The following DNM3 variants were observed in gnomAD, a reference collection of about 807,000 sequenced individuals.
DNM3 encodes the protein dynamin 3, also known as dynamin-3.
A neutral mutation model predicts 101.6 loss-of-function variants in DNM3; 47 were observed. That is an observed-to-expected ratio of 0.46 (90% CI 0.37 to 0.59). The LOEUF is 0.59. Ranked by LOEUF, DNM3 falls within the 20% of genes least tolerant of loss-of-function variation. The pLI, the probability that DNM3 is intolerant of heterozygous loss-of-function variation, is 0.00. For missense variants in DNM3, 849 were observed against 1,085.7 expected (o/e 0.78, Z 3.06); for synonymous variants, 385 against 387.9 (o/e 0.99, Z 0.09).
At chr1:172,133,261 C>T in intron 14 of DNM3, 1 of 1,073,626 alleles carries the variant, frequency 9.3e-7, no homozygotes, top group Non-Finnish European at 1.1e-6. Flanking sequence ...GCTTGGTGAG[C>T]TCTTGGTTAT....
At chr1:172,377,651 C>A (rs1032309590) in intron 17 of DNM3, among the ~76,000 whole-genome samples, 8 of 150,224 alleles carry the variant, frequency 5.3e-5, no homozygotes, top group Admixed American at 2.7e-4. Context: ...CTTGGAATTT[C>A]TCTGGTCTGT....
downstream of DNM3, chr1:172,412,768 T>C (rs1573799564): frequency 1.0e-6 from 1 of 979,974 alleles, no homozygotes. Context: ...TGCCTTTCAG[T>C]AATACCTGAG....
intron 4 of DNM3, among the ~76,000 whole-genome samples, chr1:172,003,652 T>C (rs556694949): frequency 6.6e-6 from 1 of 152,086 alleles, no homozygotes; most frequent in Admixed American, 6.6e-5. Context: ...ACTATTTTTT[T>C]CCATTGAGAT....
At chr1:171,977,339 C>G (rs2044451041) in intron 2 of DNM3, among the ~76,000 whole-genome samples, 2 of 151,972 alleles carry the variant, frequency 1.3e-5, no homozygotes, top group South Asian at 4.1e-4. Flanking sequence ...ATTTCTCAGT[C>G]TAGAGTAAAA....
In DNM3 at chr1:172,132,842, C is replaced by T. The variant is rs1325837028; in HGVS notation, c.1659+1554C>T. 4 of 753,302 alleles carry T rather than the reference C, an allele frequency of 5.3e-6. No homozygotes were observed. In the Admixed American group the frequency reaches 6.2e-5, roughly 12 times the overall value. The allele number at this position is 753,302 out of a possible 1,614,324, so 46.7% of individuals were successfully genotyped here. ...GAGAAAACTAAAAATAAAACAAAAC[C>T]TTTTTTTAAAAAAGTCTTTTCTACA... is the stretch of plus-strand genomic sequence containing the variant. On this transcript the variant is annotated intron_variant, in intron 14 of 20. Coordinates refer to ENST00000627582, the MANE Select transcript of DNM3 (RefSeq NM_015569.5).
At chr1:172,322,146 C>G (rs1364271299) in intron 16 of DNM3, among the ~76,000 whole-genome samples, 1 of 152,186 alleles carries the variant, frequency 6.6e-6, no homozygotes, top group Non-Finnish European at 1.5e-5. Flanking sequence ...AGAAAACACA[C>G]TCTCCTGGGA....
At chr1:172,303,522 C>T in intron 15 of DNM3, among the ~76,000 whole-genome samples, 1 of 152,110 alleles carries the variant, frequency 6.6e-6, no homozygotes, top group East Asian at 1.9e-4. Context: ...TCAGGAAATA[C>T]AGAGAACACC....
At chr1:171,879,117 C>T (rs997334378) in intron 1 of DNM3, among the ~76,000 whole-genome samples, 24 of 152,156 alleles carry the variant, frequency 1.6e-4, no homozygotes, top group Admixed American at 2.0e-4. Context: ...TAGTTTGAAT[C>T]ATTTATATTA....
chr1:172,001,518 C>A (rs1395493972), intron 4 of DNM3, among the ~76,000 whole-genome samples: 1 of 152,008 alleles, frequency 6.6e-6, no homozygotes, highest in Non-Finnish European at 1.5e-5. Context: ...CATTACCCAT[C>A]CAGTTTGTCA....
chr1:172,378,082 T>C (rs1276172818), intron 17 of DNM3: 2 of 152,090 alleles, frequency 1.3e-5, no homozygotes, highest in Non-Finnish European at 1.5e-5. Flanking sequence ...ACATTCATAA[T>C]TAAATCTTTC....
At chr1:172,287,832 T>C (rs954249725) in intron 15 of DNM3, among the ~76,000 whole-genome samples, 38 of 148,918 alleles carry the variant, frequency 2.6e-4, no homozygotes, top group Non-Finnish European at 3.3e-4. Flanking sequence ...CACACACACA[T>C]ATATTTTTTG....
At chr1:172,287,546 A>C (rs1427605049) in intron 15 of DNM3, among the ~76,000 whole-genome samples, 1 of 152,108 alleles carries the variant, frequency 6.6e-6, no homozygotes, top group Non-Finnish European at 1.5e-5. Context: ...CAAATTTTTA[A>C]TTCTTATTTA....
At chr1:172,320,052 A>T (rs2065621582) in intron 16 of DNM3, among the ~76,000 whole-genome samples, 1 of 151,688 alleles carries the variant, frequency 6.6e-6, no homozygotes, top group African/African-American at 2.4e-5. Context: ...CTACGCAGCC[A>T]TAAAAAATGA....
rs529240563 is a variant in DNM3, at chr1:172,008,876, T to C, written c.589+19728T>C. ...TATTATATTACTATATAAATAATAT[T>C]AATATATTATATTAAAATATTAATA... On this transcript the variant is annotated intron_variant, in intron 4 of 20. Transcript: ENST00000627582. Among the ~76,000 whole-genome samples the C allele has an allele frequency of 9.3e-3, 1,294 of 139,100 alleles. 24 individuals carry two copies. The highest frequency in any genetic ancestry group is 0.033 in the African/African-American group (1,236 of 37,934). The allele number at this position is 139,100 out of a possible 152,430, so 91.3% of individuals were successfully genotyped here. A position where few individuals can be genotyped will look rare whatever the true frequency, so the allele number is the denominator to read the frequency against.
At chr1:172,314,697 C>T (rs1408142380) in intron 16 of DNM3, among the ~76,000 whole-genome samples, 3 of 152,216 alleles carry the variant, frequency 2.0e-5, no homozygotes, top group African/African-American at 7.2e-5. Context: ...GGGGCGCCCG[C>T]CATTGCCCAG....
chr1:172,278,920 C>G (rs2063387071), intron 15 of DNM3, among the ~76,000 whole-genome samples: 1 of 152,126 alleles, frequency 6.6e-6, no homozygotes, highest in South Asian at 2.1e-4. Flanking sequence ...ATCAGTCTCC[C>G]CATGCTTAAC....
chr1:172,094,511 T>C (rs1450713351), intron 13 of DNM3, among the ~76,000 whole-genome samples: 2 of 152,168 alleles, frequency 1.3e-5, no homozygotes, highest in African/African-American at 4.8e-5. Flanking sequence ...AATTCTGTTC[T>C]GTCACTTAAG....
At chr1:172,352,173 T>C (rs2067229653) in intron 17 of DNM3, among the ~76,000 whole-genome samples, 1 of 152,196 alleles carries the variant, frequency 6.6e-6, no homozygotes, top group African/African-American at 2.4e-5. Flanking sequence ...GAGCTGTCAC[T>C]ACAAATCTCA....
chr1:171,913,492 A>G (rs1333940893), intron 1 of DNM3, among the ~76,000 whole-genome samples: 16 of 152,188 alleles, frequency 1.1e-4, no homozygotes, highest in Admixed American at 7.9e-4. Context: ...AAATCTGTAG[A>G]TTTTGGTAAA....
Sources: allele counts gnomAD v4.1 joint callset (sites outside exome capture counted in the v4.1 genomes callset), GRCh38; gene constraint gnomAD v4.1.1; transcripts MANE v1.5; gene names NCBI Gene and HGNC (gene_info 2026-07-23, HGNC 2026-07-21).